Variants in ACBD6 observed in about 807,000 individuals in gnomAD.
ACBD6 encodes acyl-CoA-binding domain-containing protein 6.
In ACBD6, 28 loss-of-function variants were observed where a neutral mutation model predicts 37.2. The observed-to-expected ratio is 0.75, with a 90% confidence interval of 0.56 to 1.03. The LOEUF (loss-of-function observed/expected upper bound fraction) is 1.03, where lower values mean the gene tolerates loss of function less well. Among genes scored for constraint, ACBD6 ranks in the 50% least tolerant of loss-of-function variants. The probability of loss-of-function intolerance (pLI) is 0.00; values close to 1 mark genes in which losing one functional copy is unlikely to be tolerated. For synonymous variants in ACBD6, 113 were observed against 126.8 expected (o/e 0.89, Z 0.73); for missense variants, 340 against 337.4 (o/e 1.01, Z -0.06).
intron 6 of ACBD6, among the ~76,000 whole-genome samples, chr1:180,329,112 T>A (rs1044513067): frequency 6.6e-6 from 1 of 152,180 alleles, no homozygotes; most frequent in Admixed American, 6.5e-5. Flanking sequence ...GACAATGATT[T>A]AACCTTTTTC....
intron 6 of ACBD6, among the ~76,000 whole-genome samples, chr1:180,329,420 C>T (rs1354729998): frequency 6.6e-6 from 1 of 152,126 alleles, no homozygotes; most frequent in Admixed American, 6.5e-5. Flanking sequence ...TTAAAATTTT[C>T]TACCTCTCAT....
intron 6 of ACBD6, among the ~76,000 whole-genome samples, chr1:180,325,271 T>C (rs1166926506): frequency 6.6e-6 from 1 of 152,140 alleles, no homozygotes; most frequent in Non-Finnish European, 1.5e-5. Flanking sequence ...CTTTTAAGTG[T>C]GTTTTATTCT....
chr1:180,393,210 A>C (rs920438467), intron 6 of ACBD6, among the ~76,000 whole-genome samples: 2 of 152,240 alleles, frequency 1.3e-5, no homozygotes, highest in African/African-American at 4.8e-5. Flanking sequence ...CTGTATCCAT[A>C]ATACTGTCAG....
intron 6 of ACBD6, among the ~76,000 whole-genome samples, chr1:180,332,338 G>T (rs907186191): frequency 3.3e-5 from 5 of 152,094 alleles, no homozygotes; most frequent in African/African-American, 7.2e-5. Flanking sequence ...GTTAAAACAG[G>T]GGTCCCCAAT....
At chr1:180,361,124 AC>A (rs1652833579) in intron 6 of ACBD6, among the ~76,000 whole-genome samples, 1 of 152,114 alleles carries the variant, frequency 6.6e-6, no homozygotes, top group African/African-American at 2.4e-5. Context: ...CACAAGAGAA[AC>A]CTTTTAAATG....
chr1:180,467,559 G>A (rs990461601), intron 3 of ACBD6, among the ~76,000 whole-genome samples: 13 of 151,866 alleles, frequency 8.6e-5, no homozygotes, highest in Non-Finnish European at 1.6e-4. Flanking sequence ...GCTGAGGCAG[G>A]AGAACCACTT....
At chr1:180,274,624 T>TATC (rs1462276677) in intron 10 of ACBD6, 13 of 1,509,084 alleles carry the variant, frequency 8.6e-6, no homozygotes, top group East Asian at 2.3e-5. Flanking sequence ...CTTGAGAGAA[T>TATC]ATCTTCAAGG....
chr1:180,451,865 T>C (rs951485119), intron 3 of ACBD6, among the ~76,000 whole-genome samples: 34 of 152,220 alleles, frequency 2.2e-4, no homozygotes, highest in African/African-American at 8.2e-4. Context: ...GAGAACACAG[T>C]GGGTGAATTT....
chr1:180,429,275 T>C (rs904968317), intron 4 of ACBD6, among the ~76,000 whole-genome samples: 13 of 152,182 alleles, frequency 8.5e-5, no homozygotes, highest in Admixed American at 7.9e-4. Context: ...AACCACCATT[T>C]TACTGTCTCT....
intron 3 of ACBD6, among the ~76,000 whole-genome samples, chr1:180,460,900 A>G (rs1005836476): frequency 1.3e-5 from 2 of 152,222 alleles, no homozygotes; most frequent in Admixed American, 1.3e-4. Flanking sequence ...TGAGGCTGAC[A>G]TGGCTGAAAC....
At chr1:180,493,303 A>G (rs2102093143) in intron 2 of ACBD6, among the ~76,000 whole-genome samples, 1 of 149,730 alleles carries the variant, frequency 6.7e-6, no homozygotes, top group East Asian at 2.0e-4. Flanking sequence ...AAAGAATACT[A>G]ATGAGTAAGT....
At chr1:180,456,163 G>C (rs1649914474) in intron 3 of ACBD6, among the ~76,000 whole-genome samples, 4 of 144,634 alleles carry the variant, frequency 2.8e-5, no homozygotes. Context: ...AGTGAGCCAA[G>C]ATTGCACCAC....
At chr1:180,307,083 A>G (rs909703557) in intron 7 of ACBD6, among the ~76,000 whole-genome samples, 1 of 152,250 alleles carries the variant, frequency 6.6e-6, no homozygotes, top group African/African-American at 2.4e-5. Flanking sequence ...TGTTCACAAT[A>G]GCCAAGATTT....
chr1:180,411,663 T>G (rs1372808202), intron 5 of ACBD6, among the ~76,000 whole-genome samples: 2 of 152,168 alleles, frequency 1.3e-5, no homozygotes, highest in African/African-American at 4.8e-5. Flanking sequence ...TAAACACAAC[T>G]TTTTTGTTTG....
intron 6 of ACBD6, among the ~76,000 whole-genome samples, chr1:180,396,994 C>T (rs1190816035): frequency 6.6e-6 from 1 of 152,102 alleles, no homozygotes; most frequent in African/African-American, 2.4e-5. Context: ...AATACAAGGA[C>T]ACAAATGTTC....
intron 6 of ACBD6, among the ~76,000 whole-genome samples, chr1:180,327,119 T>C (rs1300582725): frequency 1.3e-5 from 2 of 152,194 alleles, no homozygotes; most frequent in East Asian, 3.8e-4. Flanking sequence ...TGGCCTAGAC[T>C]GCCTTTCAAG....
intron 6 of ACBD6, among the ~76,000 whole-genome samples, chr1:180,397,138 C>T (rs547335660): frequency 6.6e-6 from 1 of 152,206 alleles, no homozygotes; most frequent in African/African-American, 2.4e-5. Flanking sequence ...TTACATGTTA[C>T]AATATAGATA....
In ACBD6 at chr1:180,499,471, G is replaced by A. The variant is rs56352078; in HGVS notation, c.222+2574C>T. ...CATCCCTCCTTCATATTATCTGGAT[G>A]AAGTGAGTATACCTGAGACAAAATG... On this transcript the variant is annotated intron_variant, in intron 1 of 7. Coordinates refer to ENST00000367595, the MANE Select transcript of ACBD6 (RefSeq NM_032360.4). Among the ~76,000 whole-genome samples the A allele has an allele frequency of 1.8e-3, 267 of 152,314 alleles. 1 individual carries two copies. Among genetic ancestry groups the A allele is most frequent in the African/African-American group, 6.3e-3 (263 of 41,564 alleles).
chr1:180,351,344 C>T (rs956661381), intron 6 of ACBD6, among the ~76,000 whole-genome samples: 18 of 151,374 alleles, frequency 1.2e-4, no homozygotes, highest in Non-Finnish European at 1.9e-4. Context: ...GGCACAATCC[C>T]GGCTCACTGC....
Sources: allele counts gnomAD v4.1 joint callset (sites outside exome capture counted in the v4.1 genomes callset), GRCh38; gene constraint gnomAD v4.1.1; transcripts MANE v1.5; gene names NCBI Gene and HGNC (gene_info 2026-07-23, HGNC 2026-07-21).